CCSER1: variants seen among roughly 807,000 people sequenced by gnomAD.
CCSER1 encodes the protein serine-rich coiled-coil domain-containing protein 1.
A neutral mutation model predicts 82.0 loss-of-function variants in CCSER1; 41 were observed. The ratio of observed to expected loss-of-function variants is 0.50; its 90% CI spans 0.39 to 0.65. The LOEUF (loss-of-function observed/expected upper bound fraction) is 0.65. Ranked by LOEUF, CCSER1 falls within the 30% of genes least tolerant of loss-of-function variation. The pLI, the probability that CCSER1 is intolerant of heterozygous loss-of-function variation, is 0.00. For synonymous variants in CCSER1, 414 were observed against 383.9 expected, an observed-to-expected ratio of 1.08 and a Z score of -0.92; for missense variants, 1,119 against 1,064.2, an observed-to-expected ratio of 1.05 and a Z score of -0.72.
At chr4:90,512,436 A>C (rs1210653067) in intron 5 of CCSER1, among the ~76,000 whole-genome samples, 1 of 152,128 alleles carries the variant, frequency 6.6e-6, no homozygotes, top group East Asian at 1.9e-4. Context: ...ATAACTAGGT[A>C]TTACATTTGA....
chr4:91,294,934 T>C (rs778631586), intron 10 of CCSER1, among the ~76,000 whole-genome samples: 1 of 151,944 alleles, frequency 6.6e-6, no homozygotes, highest in Non-Finnish European at 1.5e-5. Context: ...TCAAATTTCT[T>C]TTCCTGACTT....
At chr4:90,374,706 T>G (rs1464832252) in intron 3 of CCSER1, among the ~76,000 whole-genome samples, 1 of 152,152 alleles carries the variant, frequency 6.6e-6, no homozygotes, top group African/African-American at 2.4e-5. Context: ...GGGCACTTAG[T>G]AGTACCTCAC....
chr4:91,395,124 A>G (rs1290247381), intron 10 of CCSER1, among the ~76,000 whole-genome samples: 1 of 152,018 alleles, frequency 6.6e-6, no homozygotes, highest in African/African-American at 2.4e-5. Flanking sequence ...AAATTATTCA[A>G]CCTGGTGTTC....
At chr4:90,889,126 C>T (rs1350945185) in intron 8 of CCSER1, among the ~76,000 whole-genome samples, 6 of 152,120 alleles carry the variant, frequency 3.9e-5, no homozygotes, top group Admixed American at 2.0e-4. Flanking sequence ...CTGTCAACTG[C>T]GTGAAAGAAT....
chr4:91,596,758 C>G (rs1764599460), intron 10 of CCSER1, among the ~76,000 whole-genome samples: 1 of 151,990 alleles, frequency 6.6e-6, no homozygotes, highest in Non-Finnish European at 1.5e-5. Flanking sequence ...ATGTCTACTC[C>G]AAATCTAAGG....
Position 91,378,485 on chromosome 4 carries a change from C to CT in CCSER1, c.2218-220087_2218-220086insT. ...CTTCACATTCCTTGTAAGTTGGATTCCTAAGTATTTTATTCTCTTTGAAGC... is the reference window on the plus strand; with the variant it reads ...CTTCACATTCCTTGTAAGTTGGATTCTCTAAGTATTTTATTCTCTTTGAAGC... On this transcript the variant is annotated intron_variant, in intron 10 of 10. Coordinates refer to ENST00000509176, the MANE Select transcript of CCSER1 (RefSeq NM_001145065.2). Among the ~76,000 whole-genome samples the CT allele has an allele frequency of 2.6e-5, 4 of 152,258 alleles. No homozygotes were observed. The East Asian group carries it at 7.7e-4, about 29-fold the overall frequency.
intron 1 of CCSER1, among the ~76,000 whole-genome samples, chr4:90,280,377 C>T (rs539405364): frequency 1.3e-5 from 2 of 151,902 alleles, no homozygotes; most frequent in African/African-American, 2.4e-5. Flanking sequence ...TCTCCCTTCC[C>T]TCCCTCCTTC....
At chr4:91,238,619 CTT>C (rs1176902898) in intron 10 of CCSER1, among the ~76,000 whole-genome samples, 1 of 151,862 alleles carries the variant, frequency 6.6e-6, no homozygotes, top group African/African-American at 2.4e-5. Context: ...TGTTGTTACT[CTT>C]ATTATTATTA....
intron 10 of CCSER1, among the ~76,000 whole-genome samples, chr4:91,359,202 G>T (rs1161503858): frequency 6.6e-6 from 1 of 151,376 alleles, no homozygotes; most frequent in Non-Finnish European, 1.5e-5. Flanking sequence ...ACAGAACAGG[G>T]CAGGGAGTTT....
At chr4:90,935,908 G>A (rs1171557371) in intron 9 of CCSER1, among the ~76,000 whole-genome samples, 1 of 152,040 alleles carries the variant, frequency 6.6e-6, no homozygotes, top group Non-Finnish European at 1.5e-5. Context: ...TTGGTATAGT[G>A]ATGATCTCTG....
At chr4:91,542,011 C>A (rs534682170) in intron 10 of CCSER1, among the ~76,000 whole-genome samples, 2 of 152,284 alleles carry the variant, frequency 1.3e-5, no homozygotes, top group East Asian at 3.9e-4. Context: ...TGTCTGTTGG[C>A]TGCATAAATG....
rs889146231 is a variant in CCSER1 at position 90,230,774 on chromosome 4, A to G, written c.-41-77470A>G. On this transcript the variant is annotated intron_variant, in intron 1 of 10. Coordinates refer to ENST00000509176, the MANE Select transcript of CCSER1 (RefSeq NM_001145065.2). ...AGAAGAATCAAATAGACGCAATAAAAAATGATAAAGGGGATATCACCACCA... is the reference window on the plus strand; with the variant it reads ...AGAAGAATCAAATAGACGCAATAAAGAATGATAAAGGGGATATCACCACCA... Among the ~76,000 whole-genome samples, 492 of 152,164 alleles carry G rather than the reference A, an allele frequency of 3.2e-3. 2 individuals carry two copies. The highest frequency in any genetic ancestry group is 0.012 in the African/African-American group (482 of 41,514).
intron 7 of CCSER1, among the ~76,000 whole-genome samples, chr4:90,747,240 G>T (rs1406441131): frequency 6.6e-6 from 1 of 152,164 alleles, no homozygotes; most frequent in East Asian, 1.9e-4. Context: ...ATAATTTCGA[G>T]CCATCTTTGC....
At chr4:90,728,019 A>G (rs748617434) in intron 7 of CCSER1, among the ~76,000 whole-genome samples, 1 of 152,202 alleles carries the variant, frequency 6.6e-6, no homozygotes, top group Admixed American at 6.5e-5. Flanking sequence ...GGCATTGAGG[A>G]ATACCCTCCA....
chr4:91,453,091 G>A (rs1755956500), intron 10 of CCSER1, among the ~76,000 whole-genome samples: 1 of 152,036 alleles, frequency 6.6e-6, no homozygotes, highest in Admixed American at 6.6e-5. Flanking sequence ...AGCAAAGTAA[G>A]GGATTTGAGC....
At chr4:90,923,739 G>T (rs72882845) in intron 9 of CCSER1, among the ~76,000 whole-genome samples, 2,364 of 152,186 alleles carry the variant, frequency 0.016, 57 homozygotes, top group African/African-American at 0.053. Context: ...TAGAAGACTA[G>T]GGCAATTTAT....
intron 1 of CCSER1, among the ~76,000 whole-genome samples, chr4:90,145,406 T>C (rs991890488): frequency 2.0e-5 from 3 of 152,166 alleles, no homozygotes; most frequent in Non-Finnish European, 4.4e-5. Context: ...TTGTGTCATA[T>C]GTTGCTGCCT....
intron 1 of CCSER1, among the ~76,000 whole-genome samples, chr4:90,287,102 C>T (rs549607683): frequency 7.9e-5 from 12 of 151,468 alleles, no homozygotes; most frequent in Admixed American, 6.6e-4. Flanking sequence ...TTCCAAGAAG[C>T]GATTTACACA....
intron 5 of CCSER1, among the ~76,000 whole-genome samples, chr4:90,506,696 C>T (rs1416952324): frequency 1.0e-4 from 15 of 150,532 alleles, no homozygotes; most frequent in Admixed American, 1.3e-4. Flanking sequence ...ACCTGGGAGG[C>T]GGAGGTCACA....
Sources: allele counts gnomAD v4.1 joint callset (sites outside exome capture counted in the v4.1 genomes callset), GRCh38; gene constraint gnomAD v4.1.1; transcripts MANE v1.5; gene names NCBI Gene and HGNC (gene_info 2026-07-23, HGNC 2026-07-21).